PACRG: variants seen among roughly 807,000 people sequenced by gnomAD.
PACRG encodes the protein parkin coregulated.
A neutral mutation model predicts 29.7 loss-of-function variants in PACRG; 29 were observed. The ratio of observed to expected loss-of-function variants is 0.98; its 90% CI spans 0.73 to 1.33. PACRG has a LOEUF of 1.33. Ranked by LOEUF, PACRG falls within the 40% of genes most tolerant of loss-of-function variation. PACRG has a pLI of 0.00. For missense variants in PACRG, 279 were observed against 316.2 expected, an observed-to-expected ratio of 0.88 and a Z score of 0.89; for synonymous variants, 116 against 118.7, an observed-to-expected ratio of 0.98 and a Z score of 0.15.
intron 2 of PACRG, among the ~76,000 whole-genome samples, chr6:163,022,966 G>T (rs573665482): frequency 6.6e-6 from 1 of 152,048 alleles, no homozygotes; most frequent in African/African-American, 2.4e-5. Context: ...TTTTTACTTT[G>T]ACTTACTGGA....
intron 4 of PACRG, among the ~76,000 whole-genome samples, chr6:163,301,502 C>T (rs576920606): frequency 6.6e-6 from 1 of 152,308 alleles, no homozygotes; most frequent in Admixed American, 6.5e-5. Context: ...AAAGGGACAT[C>T]CCAAAGATGA....
At position 163,062,277 on chromosome 6, in the gene PACRG, A is replaced by G. The variant is rs367612673; in HGVS notation, c.419A>G (p.Asn140Ser). 22 of 1,614,026 alleles carry G rather than the reference A, an allele frequency of 1.4e-5. No individual in the cohort carries two copies. In the African/African-American group the frequency reaches 2.7e-4, roughly 20 times the overall value. Residue 140 changes from asparagine (N) to serine (S), a missense_variant, in exon 3 of 5, where the codon AAC becomes AGC. By Grantham distance (46) the Asn-to-Ser change is conservative (BLOSUM62 1). Coordinates refer to ENST00000366888, the MANE Select transcript of PACRG (RefSeq NM_001080379.2). The stretch of plus-strand genomic sequence containing the variant: ...CACGACATGCTGGAACACGGTGGGA[A>G]CAAGATCCTACCTGTCCTTCCACAG... Reference protein sequence around the residue: ...GIHDMLEHGGNKILPVLPQLI... With the variant: ...GIHDMLEHGGSKILPVLPQLI...
intron 2 of PACRG, among the ~76,000 whole-genome samples, chr6:162,884,457 A>G (rs1794164730): frequency 6.6e-6 from 1 of 152,226 alleles, no homozygotes; most frequent in Admixed American, 6.5e-5. Context: ...ATAGATATAG[A>G]CAGTAAATTA....
intron 4 of PACRG, among the ~76,000 whole-genome samples, chr6:163,276,173 A>C (rs1784019115): frequency 6.6e-6 from 1 of 151,740 alleles, no homozygotes; most frequent in Admixed American, 6.6e-5. Context: ...ACTACAGGCG[A>C]GCGCTACCAT....
intron 4 of PACRG, among the ~76,000 whole-genome samples, chr6:163,294,693 ATAAT>A (rs1018069021): frequency 2.0e-5 from 3 of 152,256 alleles, no homozygotes; most frequent in African/African-American, 4.8e-5. Flanking sequence ...TGCTTAATGA[ATAAT>A]TAATTTCACA....
intron 1 of PACRG, among the ~76,000 whole-genome samples, chr6:162,748,809 A>C (rs1682651777): frequency 6.6e-6 from 1 of 152,154 alleles, no homozygotes; most frequent in South Asian, 2.1e-4. Flanking sequence ...TTATGCTTAT[A>C]CTACTACTTT....
In PACRG at chr6:163,033,516, C is replaced by T. The variant is rs1807862464; in HGVS notation, c.292-28634C>T. 2.0e-5 allele frequency among the ~76,000 whole-genome samples: 3 copies of T among 152,136 alleles called. No homozygotes were observed. The South Asian group carries it at 6.2e-4, about 32-fold the overall frequency. On this transcript the variant is annotated intron_variant, in intron 2 of 4. Transcript: ENST00000366888. ...TGAATAATCTTTAAAACTCTATTTC[C>T]CAAAGATTACTTAAGTCACATGAAC...
At chr6:163,046,901 GA>G (rs1809459623) in intron 2 of PACRG, among the ~76,000 whole-genome samples, 1 of 152,158 alleles carries the variant, frequency 6.6e-6, no homozygotes, top group Admixed American at 6.5e-5. Flanking sequence ...ACAAATCTCT[GA>G]AAAATATATG....
chr6:162,997,614 C>T (rs1402377265), intron 2 of PACRG: 1 of 283,396 alleles, frequency 3.5e-6, no homozygotes, highest in South Asian at 3.0e-5. Flanking sequence ...GAAAGCAACG[C>T]AGTGGTAAAG....
intron 2 of PACRG, among the ~76,000 whole-genome samples, chr6:162,911,263 A>G (rs942070895): frequency 2.0e-5 from 3 of 152,210 alleles, no homozygotes; most frequent in African/African-American, 7.2e-5. Flanking sequence ...TTGTTTATAG[A>G]TGGAAGATTG....
chr6:163,140,601 T>C (rs1465100499), intron 4 of PACRG, among the ~76,000 whole-genome samples: 1 of 152,120 alleles, frequency 6.6e-6, no homozygotes, highest in Non-Finnish European at 1.5e-5. Flanking sequence ...GAAAAACCCT[T>C]TTCCTTCTAA....
intron 2 of PACRG, among the ~76,000 whole-genome samples, chr6:162,846,238 G>A (rs949299600): frequency 2.0e-5 from 3 of 152,142 alleles, no homozygotes; most frequent in South Asian, 2.1e-4. Flanking sequence ...CTCAGTCACC[G>A]CTGGGAGCAG....
chr6:163,172,228 G>T (rs569789699), intron 4 of PACRG, among the ~76,000 whole-genome samples: 113 of 152,266 alleles, frequency 7.4e-4, no homozygotes, highest in Admixed American at 7.3e-3. Context: ...GCCAGCATTG[G>T]AAATTTCCAG....
intron 4 of PACRG, among the ~76,000 whole-genome samples, chr6:163,236,298 T>C (rs141017781): frequency 1.7e-3 from 237 of 136,680 alleles, no homozygotes; most frequent in African/African-American, 6.0e-3. Flanking sequence ...AGTGCCACCT[T>C]GAGCTGGCCT....
At chr6:163,270,462 C>T (rs1427705782) in intron 4 of PACRG, among the ~76,000 whole-genome samples, 2 of 152,096 alleles carry the variant, frequency 1.3e-5, no homozygotes, top group African/African-American at 2.4e-5. Flanking sequence ...TCTCAAACTC[C>T]TGGGATCAAG....
At chr6:163,180,682 A>G (rs1229951758) in intron 4 of PACRG, among the ~76,000 whole-genome samples, 1 of 151,880 alleles carries the variant, frequency 6.6e-6, no homozygotes, top group Non-Finnish European at 1.5e-5. Context: ...TATGGTTACA[A>G]AAAAAAAGCA....
At chr6:163,239,935 A>C (rs1176364076) in intron 4 of PACRG, among the ~76,000 whole-genome samples, 6 of 110,186 alleles carry the variant, frequency 5.4e-5, no homozygotes, top group Non-Finnish European at 9.2e-5. Context: ...TAACACACTC[A>C]CACTCCCACC....
intron 2 of PACRG, among the ~76,000 whole-genome samples, chr6:162,841,676 A>C (rs1789783654): frequency 3.4e-5 from 5 of 145,680 alleles, no homozygotes; most frequent in Admixed American, 3.4e-4. Context: ...TAGTTCTTTT[A>C]ATTGTGATGT....
At chr6:162,923,625 A>G (rs1167558585) in intron 2 of PACRG, among the ~76,000 whole-genome samples, 2 of 151,952 alleles carry the variant, frequency 1.3e-5, no homozygotes, top group African/African-American at 2.4e-5. Flanking sequence ...CATTTCCCCA[A>G]TGTATGTTCT....
Sources: gnomAD v4.1 joint callset for allele counts (sites outside exome capture counted in the v4.1 genomes callset) on GRCh38, gnomAD v4.1.1 for gene constraint, MANE v1.5 for transcripts, NCBI Gene and HGNC (gene_info 2026-07-23, HGNC 2026-07-21) for gene names.